The following MAFF variants were observed in gnomAD, a reference collection of about 807,000 sequenced individuals.
The protein encoded by MAFF is MAF bZIP transcription factor F.
MAFF carries 4 observed loss-of-function variants against 2.7 expected under a neutral mutation model. The ratio of observed to expected loss-of-function variants is 1.48; its 90% confidence interval spans 0.73 to 3.39. The LOEUF (loss-of-function observed/expected upper bound fraction) is 3.39. Among genes scored for constraint, MAFF ranks in the 30% most tolerant of loss-of-function variants. The pLI, the probability that MAFF is intolerant of heterozygous loss-of-function variation, is 0.01. For synonymous variants in MAFF, 113 were observed against 119.4 expected, an observed-to-expected ratio of 0.95 and a Z score of 0.35; for missense variants, 190 against 246.6, an observed-to-expected ratio of 0.77 and a Z score of 1.54.
chr22:38,214,827 T>TGGCCCC lies in MAFF; in HGVS notation c.446_451dup (p.Gly149_Pro150dup). ...TCAAGTCCACCCCGGGCTCGGGGTC[T>TGGCCCC]GGCCCCGCCCACGGCCCGGACCCCG... On this transcript the variant is annotated inframe_insertion, in exon 3 of 3. Transcript: ENST00000338483. This position sits in a 1 kb window ranked among gnomAD's most constrained non-coding sequence, Gnocchi z 6.3. 1 of 1,495,796 alleles carries TGGCCCC rather than the reference T, an allele frequency of 6.7e-7. No individual in the cohort carries two copies. Among genetic ancestry groups the TGGCCCC allele is most frequent in the Non-Finnish European group, 8.9e-7 (1 of 1,127,150 alleles). The allele number at this position is 1,495,796 out of a possible 1,614,324, so 92.7% of individuals were successfully genotyped here. A position where few individuals can be genotyped will look rare whatever the true frequency, so the allele number is the denominator to read the frequency against.
In MAFF at chr22:38,213,896, A is replaced by AG. The variant is rs768036979; in HGVS notation, c.36+9dup. 1.2e-6 allele frequency: 2 copies of AG among 1,614,162 alleles called. No individual in the cohort carries two copies. The highest frequency in any genetic ancestry group is 1.7e-6 in the Non-Finnish European group (2 of 1,179,988). On this transcript the variant is annotated splice_region_variant and intron_variant, in intron 2 of 2. Transcript: ENST00000338483. Reference sequence around the variant, plus strand: ...ATCCAGCAAAGCTCTAAAGGTGAGGAGGCAGCCTCTGTCAACCCAGTGAAG... The same window carrying AG: ...ATCCAGCAAAGCTCTAAAGGTGAGGAGGGCAGCCTCTGTCAACCCAGTGAAG...
intron 1 of MAFF, among the ~76,000 whole-genome samples, chr22:38,209,813 C>CAAAAAAAAAAAAAAAAAAAAAA (rs398037113): frequency 1.3e-5 from 1 of 76,468 alleles, no homozygotes; most frequent in South Asian, 5.8e-4. Flanking sequence ...GACTCCATCT[C>CAAAAAAAAAAAAAAAAAAAAAA]AAAAAAAAAA....
In MAFF at chr22:38,202,956, T is replaced by G. The variant is rs1471024685; in HGVS notation, c.-32+744T>G. The G allele has an allele frequency of 6.6e-6, 1 of 152,204 alleles. No individual in the cohort carries two copies. The highest frequency in any genetic ancestry group is 2.4e-5 in the African/African-American group (1 of 41,382). 9.4% of individuals were successfully genotyped at this position (152,204 alleles called of 1,614,324 possible). A position where few individuals can be genotyped will look rare whatever the true frequency, so the allele number is the denominator to read the frequency against. ...GCCTCCGCCACGTGACCCCAGTGTT[T>G]GTCTCCCGCCCAGAGCCCGCGCCCG... On this transcript the variant is annotated intron_variant, in intron 1 of 2. Coordinates refer to ENST00000338483, the MANE Select transcript of MAFF (RefSeq NM_012323.4). The surrounding 1 kb of genome is among the most constrained non-coding windows in gnomAD (Gnocchi z 7.4).
chr22:38,204,424 AG>A (rs2091036903), intron 1 of MAFF, among the ~76,000 whole-genome samples: 1 of 152,140 alleles, frequency 6.6e-6, no homozygotes, highest in South Asian at 2.1e-4. Flanking sequence ...AAGCCCTTGA[AG>A]GCAGGAGCTG....
chr22:38,214,138 T>G lies in MAFF; in HGVS notation c.36+249T>G, dbSNP rs2091123841. ...GGCCTCCTTCCCCATCGGGTCAATG[T>G]CCCCTGGGGCATTCAAAGGTGCTTT... On this transcript the variant is annotated intron_variant, in intron 2 of 2. Transcript: ENST00000338483. This position sits in a 1 kb window ranked among gnomAD's most constrained non-coding sequence, Gnocchi z 6.3. Among the ~76,000 whole-genome samples the G allele has an allele frequency of 6.6e-6, 1 of 152,226 alleles. No homozygotes were observed. Among genetic ancestry groups the G allele is most frequent in the Non-Finnish European group, 1.5e-5 (1 of 68,042 alleles).
intron 1 of MAFF, among the ~76,000 whole-genome samples, chr22:38,209,148 C>T (rs765058310): frequency 2.0e-5 from 3 of 151,946 alleles, no homozygotes; most frequent in Non-Finnish European, 2.9e-5. Flanking sequence ...TCACTGCATG[C>T]TTCACCTCCC....
chr22:38,207,915 G>A (rs1038794509), intron 1 of MAFF, among the ~76,000 whole-genome samples: 13 of 152,166 alleles, frequency 8.5e-5, no homozygotes, highest in African/African-American at 3.1e-4. Context: ...GAACCAGGGA[G>A]GTGACGGTGT....
At position 38,214,549 on chromosome 22, in the gene MAFF, C is replaced by T; in HGVS notation, c.166C>T (p.Arg56Cys). The T allele has an allele frequency of 6.2e-7, 1 of 1,608,334 alleles. No homozygotes were observed. The highest frequency in any genetic ancestry group is 8.5e-7 in the Non-Finnish European group (1 of 1,178,482). The change falls in exon 3 of 3, where the codon CGC becomes TGC. Residue 56 changes from arginine to cysteine, a missense_variant. By Grantham distance (180) the Arg-to-Cys change is radical. Around this residue, in one of 2 missense-constraint regions of MAFF, gnomAD observed 87 missense variants for 143.6 expected, o/e 0.61. Transcript: ENST00000338483. The surrounding 1 kb of genome is among the most constrained non-coding windows in gnomAD (Gnocchi z 6.3). ...AEEVTRLKQR[R>C]RTLKNRGYAA... The stretch of plus-strand genomic sequence containing the variant: ...GGAGGTGACACGGCTCAAGCAGCGG[C>T]GCCGCACACTCAAAAACCGTGGCTA...
chr22:38,214,657 A>C lies in MAFF; in HGVS notation c.274A>C (p.Lys92Gln). 1 of 1,555,126 alleles carries C rather than the reference A, an allele frequency of 6.4e-7. No homozygotes were observed. The highest frequency in any genetic ancestry group is 1.9e-5 in the Admixed American group (1 of 51,722). ...QKSELEREVD[K>Q]LARENAAMRL... ...GTCGGAGCTGGAGCGCGAGGTGGAC[A>C]AGCTGGCGCGCGAGAACGCCGCCAT... The change falls in exon 3 of 3, where the codon AAG (lysine) becomes CAG (glutamine). Residue 92 changes from lysine to glutamine, a missense_variant. Lys to Gln is a moderately conservative substitution (Grantham distance 53). Transcript: ENST00000338483. This position sits in a 1 kb window ranked among gnomAD's most constrained non-coding sequence, Gnocchi z 6.3.
In MAFF at chr22:38,216,048, A is replaced by G. The variant is rs2091147175; in HGVS notation, c.*1170A>G. 1 of 167,090 alleles carries G rather than the reference A, an allele frequency of 6.0e-6. No individual in the cohort carries two copies. The highest frequency in any genetic ancestry group is 1.5e-5 in the Non-Finnish European group (1 of 68,120). The allele number at this position is 167,090 out of a possible 1,614,324, so 10.4% of individuals were successfully genotyped here. A position where few individuals can be genotyped will look rare whatever the true frequency, so the allele number is the denominator to read the frequency against. On this transcript the variant is annotated 3_prime_UTR_variant, in exon 3 of 3. Transcript: ENST00000338483. Reference sequence around the variant, plus strand: ...TATATCTGCAAATAAATCACATTTTATCTTATATTTAGGGAAAGCCGGAGA... The same window carrying G: ...TATATCTGCAAATAAATCACATTTTGTCTTATATTTAGGGAAAGCCGGAGA...
chr22:38,215,004 T>G lies in MAFF; in HGVS notation c.*126T>G. On this transcript the variant is annotated 3_prime_UTR_variant, in exon 3 of 3. Transcript: ENST00000338483. ...CACTGGCCCCTTGGTGCACACACATTCCCTTCGTGGGCCCTGTCTTCCTCT... is the reference window on the plus strand; with the variant it reads ...CACTGGCCCCTTGGTGCACACACATGCCCTTCGTGGGCCCTGTCTTCCTCT... The G allele has an allele frequency of 1.4e-6, 1 of 725,650 alleles. No individual in the cohort carries two copies. Among genetic ancestry groups the G allele is most frequent in the Non-Finnish European group, 2.4e-6 (1 of 424,844 alleles). The allele number at this position is 725,650 out of a possible 1,614,324, so 45.0% of individuals were successfully genotyped here.
intron 1 of MAFF, among the ~76,000 whole-genome samples, chr22:38,210,826 G>A (rs1454215666): frequency 6.6e-6 from 1 of 152,038 alleles, no homozygotes; most frequent in Non-Finnish European, 1.5e-5. Context: ...TTGGGAGGCG[G>A]AGGCAGGCGG....
Position 38,214,438 on chromosome 22 carries a change from G to T in MAFF, c.55G>T (p.Glu19Ter). The change falls in exon 3 of 3, where the codon GAG becomes TAG. Residue 19 changes from glutamate to a stop codon, truncating the protein, a stop_gained. Coordinates refer to ENST00000338483, the MANE Select transcript of MAFF (RefSeq NM_012323.4). LOFTEE classifies it high-confidence loss of function. This position sits in a 1 kb window ranked among gnomAD's most constrained non-coding sequence, Gnocchi z 6.3. ...CCCGCAGATCAAGCGAGAGCTGAGC[G>T]AGAACACGCCGCACCTGTCGGACGA... ...KALKIKRELS[E>*]NTPHLSDEAL... 6.2e-7 allele frequency: 1 copy of T among 1,603,148 alleles called. No individual in the cohort carries two copies.
intron 1 of MAFF, chr22:38,203,506 G>A (rs1462908291): frequency 2.0e-5 from 3 of 152,224 alleles, no homozygotes; most frequent in African/African-American, 7.2e-5. Context: ...TAATGAGTGA[G>A]GGGTGGGGCC....
chr22:38,213,991 GC>G, intron 2 of MAFF, 102 bp downstream of exon 2: 6 of 1,284,074 alleles, frequency 4.7e-6, no homozygotes, highest in Non-Finnish European at 6.7e-6. Flanking sequence ...CCCCTGGGTG[GC>G]TCAGCAGGCA....
rs1212715227 is a variant in MAFF, at chr22:38,214,298, C to T, written c.37-122C>T. 3.1e-6 allele frequency: 3 copies of T among 960,394 alleles called. No individual in the cohort carries two copies. Among genetic ancestry groups the T allele is most frequent in the African/African-American group, 1.7e-5 (1 of 60,292 alleles). 59.5% of individuals were successfully genotyped at this position (960,394 alleles called of 1,614,324 possible). Reference sequence around the variant, plus strand: ...CCCTTCCCGGATTCCTGCTCCCCTTCGGGGTTTTGGATCAAGTCCACCCAC... The same window carrying T: ...CCCTTCCCGGATTCCTGCTCCCCTTTGGGGTTTTGGATCAAGTCCACCCAC... On this transcript the variant is annotated intron_variant, in intron 2 of 2. Coordinates refer to ENST00000338483, the MANE Select transcript of MAFF (RefSeq NM_012323.4). This position sits in a 1 kb window ranked among gnomAD's most constrained non-coding sequence, Gnocchi z 6.3.
At chr22:38,211,851 T>C (rs977902006) in intron 1 of MAFF, among the ~76,000 whole-genome samples, 1 of 152,230 alleles carries the variant, frequency 6.6e-6, no homozygotes, top group Non-Finnish European at 1.5e-5. Context: ...GTCAACCCTG[T>C]AGACAGCTCA....
chr22:38,210,185 C>A (rs1043272757), intron 1 of MAFF, among the ~76,000 whole-genome samples: 1 of 152,232 alleles, frequency 6.6e-6, no homozygotes, highest in African/African-American at 2.4e-5. Flanking sequence ...ACTCTGGGTC[C>A]ACCCAGCTAC....
intron 1 of MAFF, chr22:38,213,596 A>T (rs1416889561): frequency 1.6e-6 from 1 of 640,394 alleles, no homozygotes; most frequent in Non-Finnish European, 2.9e-6. Context: ...AATGATGAGG[A>T]GTCACCATGG....
Sources: allele counts gnomAD v4.1 joint callset (sites outside exome capture counted in the v4.1 genomes callset), GRCh38; gene constraint gnomAD v4.1.1; regional missense constraint gnomAD v4.1.1; non-coding constraint Gnocchi (gnomAD v3.1); transcripts MANE v1.5; gene names NCBI Gene and HGNC (gene_info 2026-07-23, HGNC 2026-07-21).